Variants in GLUD1 observed in about 807,000 individuals in gnomAD.
GLUD1 encodes glutamate dehydrogenase 1, mitochondrial.
GLUD1 carries 22 observed loss-of-function variants against 56.0 expected under a neutral mutation model. The ratio of observed to expected loss-of-function variants is 0.39; its 90% CI spans 0.28 to 0.56. The LOEUF (loss-of-function observed/expected upper bound fraction) is 0.56. Ranked by LOEUF, GLUD1 falls within the 20% of genes least tolerant of loss-of-function variation. The pLI, the probability that GLUD1 is intolerant of heterozygous loss-of-function variation, is 0.58. For missense variants in GLUD1, 451 were observed against 732.0 expected, an observed-to-expected ratio of 0.62 and a Z score of 4.43; for synonymous variants, 223 against 269.9, an observed-to-expected ratio of 0.83 and a Z score of 1.70.
In GLUD1 at chr10:87,069,640, T is replaced by C. The variant is rs187986629; in HGVS notation, c.647-1483A>G. 1.8e-3 allele frequency among the ~76,000 whole-genome samples: 273 copies of C among 152,298 alleles called. 1 individual carries two copies. Among genetic ancestry groups the C allele is most frequent in the Non-Finnish European group, 3.4e-3 (228 of 68,026 alleles). ...CTTTTTAGTCAACAGAATCAGTATA[T>C]TGTAATGTTTTTCTATAACTCAGGG... is the stretch of plus-strand genomic sequence containing the variant. On this transcript the variant is annotated intron_variant, in intron 4 of 12. Coordinates refer to ENST00000277865, the MANE Select transcript of GLUD1 (RefSeq NM_005271.5).
chr10:87,087,650 C>G (rs1295589656), intron 1 of GLUD1, among the ~76,000 whole-genome samples: 1 of 152,234 alleles, frequency 6.6e-6, no homozygotes, highest in East Asian at 1.9e-4. Flanking sequence ...GCCCTTATTT[C>G]TCATTATTTA....
chr10:87,060,846 C>A (rs201642733), intron 7 of GLUD1, 21 bp from the exon 8 acceptor site: 629 of 1,614,132 alleles, frequency 3.9e-4, no homozygotes, highest in Middle Eastern at 1.5e-3. Flanking sequence ...TTGAAAATCA[C>A]AATTAATAGC....
chr10:87,068,530 T>C (rs1846137998), intron 4 of GLUD1, among the ~76,000 whole-genome samples: 1 of 152,196 alleles, frequency 6.6e-6, no homozygotes, highest in Non-Finnish European at 1.5e-5. Flanking sequence ...TTGTGTTCTA[T>C]ATAAGCAGGA....
intron 8 of GLUD1, 111 bp downstream of exon 8, chr10:87,060,577 G>T: frequency 7.8e-7 from 1 of 1,278,824 alleles, no homozygotes; most frequent in Non-Finnish European, 1.1e-6. Context: ...TGTGCAGTAT[G>T]TGCCAATAAA....
chr10:87,083,831 A>G lies in GLUD1; in HGVS notation c.446-7175T>C, dbSNP rs967656283. On this transcript the variant is annotated intron_variant, in intron 1 of 12. Transcript: ENST00000277865. ...ATCCCATCTCTACACACACACACAC[A>G]CACACACGCACACACCGCATCTTAA... 3.6e-4 allele frequency among the ~76,000 whole-genome samples: 55 copies of G among 152,148 alleles called. No individual in the cohort carries two copies. The South Asian group carries it at 4.2e-3, about 11-fold the overall frequency.
chr10:87,062,581 C>A, intron 6 of GLUD1, 75 bp downstream of exon 6: 1 of 1,081,996 alleles, frequency 9.2e-7, no homozygotes, highest in Non-Finnish European at 1.4e-6. Context: ...TTTAAAATTA[C>A]AATTCTAAAA....
At chr10:87,093,094 T>A (rs1347709727) in intron 1 of GLUD1, among the ~76,000 whole-genome samples, 1 of 152,206 alleles carries the variant, frequency 6.6e-6, no homozygotes, top group South Asian at 2.1e-4. Context: ...GCAAATTTAG[T>A]AAATCTTTAA....
In GLUD1 at chr10:87,079,370, G is replaced by A. The variant is rs1352418404; in HGVS notation, c.446-2714C>T. Among the ~76,000 whole-genome samples, 3 of 151,308 alleles carry A rather than the reference G, an allele frequency of 2.0e-5. No homozygotes were observed. The East Asian group carries it at 5.8e-4, about 29-fold the overall frequency. Reference sequence around the variant, plus strand: ...GGAGAGTCACTTGAGCCCAGGAGTTGCAGGCTGCAGTGAGCTACGCTCAGG... The same window carrying A: ...GGAGAGTCACTTGAGCCCAGGAGTTACAGGCTGCAGTGAGCTACGCTCAGG... On this transcript the variant is annotated intron_variant, in intron 1 of 12. Transcript: ENST00000277865.
At chr10:87,076,526 A>T (rs762435142) in intron 2 of GLUD1, 50 bp downstream of exon 2, 1 of 1,055,048 alleles carries the variant, frequency 9.5e-7, no homozygotes, top group Non-Finnish European at 1.5e-6. Context: ...ATGTGTGTAA[A>T]CATATTTCCC....
In GLUD1 at chr10:87,094,210, GC is replaced by G; in HGVS notation, c.445+114del. 2.0e-5 allele frequency: 28 copies of G among 1,410,184 alleles called. No homozygotes were observed. Among genetic ancestry groups the G allele is most frequent in the Non-Finnish European group, 2.6e-5 (28 of 1,059,012 alleles). The allele number at this position is 1,410,184 out of a possible 1,614,324, so 87.4% of individuals were successfully genotyped here. The stretch of plus-strand genomic sequence containing the variant: ...GCGGGGTGACCCGGGCGGGGACCCG[GC>G]CCGCTCCAGCTGGGCTGGGCTGGGC... On this transcript the variant is annotated intron_variant, in intron 1 of 12. Transcript: ENST00000277865. The surrounding 1 kb of genome is among the most constrained non-coding windows in gnomAD (Gnocchi z 6.6).
At chr10:87,079,921 TCCCTCC>T (rs1256929141) in intron 1 of GLUD1, among the ~76,000 whole-genome samples, 8 of 23,496 alleles carry the variant, frequency 3.4e-4, no homozygotes, top group African/African-American at 1.0e-3. Context: ...CCTCCCCCTC[TCCCTCC>T]CCCTCTCCCT....
At position 87,060,125 on chromosome 10, in the gene GLUD1, A is replaced by G. The variant is rs769718066; in HGVS notation, c.1278+36T>C. The G allele has an allele frequency of 2.4e-6, 3 of 1,251,382 alleles. No individual in the cohort carries two copies. The Admixed American group carries it at 5.0e-5, about 21-fold the overall frequency. The allele number at this position is 1,251,382 out of a possible 1,614,324, so 77.5% of individuals were successfully genotyped here. A position where few individuals can be genotyped will look rare whatever the true frequency, so the allele number is the denominator to read the frequency against. ...CTTGCAAAAGACTATTATGATTCTA[A>G]GTACATATAAAGCCTAATAAATATA... On this transcript the variant is annotated intron_variant, in intron 9 of 12. Transcript: ENST00000277865.
chr10:87,070,344 T>TA lies in GLUD1; in HGVS notation c.647-2188dup, dbSNP rs1259825546. 2.0e-5 allele frequency among the ~76,000 whole-genome samples: 3 copies of TA among 152,292 alleles called. No homozygotes were observed. The East Asian group carries it at 5.8e-4, about 29-fold the overall frequency. On this transcript the variant is annotated intron_variant, in intron 4 of 12. Transcript: ENST00000277865. ...GGCTGGGCGCGGTGGCTCACGCCTG[T>TA]AATCCCAGCACTTTGGGAGGCCGAG... is the stretch of plus-strand genomic sequence containing the variant.
intron 6 of GLUD1, among the ~76,000 whole-genome samples, chr10:87,062,030 C>A (rs932898898): frequency 1.3e-5 from 2 of 152,188 alleles, no homozygotes; most frequent in African/African-American, 4.8e-5. Flanking sequence ...GATCTGCCCA[C>A]CTTGGCCTCC....
At chr10:87,061,710 G>A (rs988256254) in intron 6 of GLUD1, among the ~76,000 whole-genome samples, 15 of 151,650 alleles carry the variant, frequency 9.9e-5, no homozygotes, top group East Asian at 9.7e-4. Flanking sequence ...TCTGCCTCCC[G>A]GGTTCAAGTG....
At chr10:87,060,420 TTATC>T (rs1055505449) in intron 8 of GLUD1, 179 bp from the exon 9 acceptor site, 5 of 671,542 alleles carry the variant, frequency 7.4e-6, no homozygotes, top group Admixed American at 2.8e-5. Context: ...ACTTTTCTAT[TTATC>T]TAGGTTTTTT....
intron 5 of GLUD1, among the ~76,000 whole-genome samples, chr10:87,065,094 C>T (rs1283063559): frequency 6.6e-6 from 1 of 151,886 alleles, no homozygotes; most frequent in Non-Finnish European, 1.5e-5. Flanking sequence ...CACCTGAGTC[C>T]AGCCTGGTCA....
intron 5 of GLUD1, among the ~76,000 whole-genome samples, chr10:87,066,860 G>A (rs1467442624): frequency 6.6e-6 from 1 of 152,142 alleles, no homozygotes; most frequent in Non-Finnish European, 1.5e-5. Context: ...ACCCCTTTCA[G>A]GGACAGGAGT....
intron 5 of GLUD1, among the ~76,000 whole-genome samples, chr10:87,065,283 A>AG (rs1450024920): frequency 7.1e-6 from 1 of 141,302 alleles, no homozygotes; most frequent in Non-Finnish European, 1.5e-5. Flanking sequence ...AAAAAAAAAA[A>AG]AAAAAAAAAA....
Sources: allele counts gnomAD v4.1 joint callset (sites outside exome capture counted in the v4.1 genomes callset), GRCh38; gene constraint gnomAD v4.1.1; non-coding constraint Gnocchi (gnomAD v3.1); transcripts MANE v1.5; gene names NCBI Gene and HGNC (gene_info 2026-07-23, HGNC 2026-07-21).